The following CHPF2 variants were observed in gnomAD, a reference collection of about 807,000 sequenced individuals.
CHPF2 encodes chondroitin polymerizing factor 2, non-catalytic subunit.
In CHPF2, 58 loss-of-function variants were observed where a neutral mutation model predicts 63.0. That is an observed-to-expected ratio of 0.92 (90% CI 0.75 to 1.15). The LOEUF is 1.15. CHPF2 is among the 50% of genes most tolerant of loss of function. The probability of loss-of-function intolerance (pLI) is 0.00; values close to 1 mark genes in which losing one functional copy is unlikely to be tolerated. For missense variants in CHPF2, 1,045 were observed against 1,035.4 expected (o/e 1.01, Z -0.13); for synonymous variants, 442 against 438.0 (o/e 1.01, Z -0.11).
At position 151,238,328 on chromosome 7, in the gene CHPF2, C is replaced by G; in HGVS notation, c.1966C>G (p.Arg656Gly). The G allele has an allele frequency of 1.2e-6, 2 of 1,609,862 alleles. No homozygotes were observed. The highest frequency in any genetic ancestry group is 2.2e-5 in the South Asian group (2 of 90,854). The change falls in exon 4 of 4, where the codon CGG becomes GGG. Residue 656 changes from arginine to glycine, a missense_variant. Physicochemically the swap from Arg to Gly is moderately radical, Grantham distance 125. Transcript: ENST00000035307. ...PPSPPGADPS[R>G]GAPIGGRFDR... ...CTCCCCTCCTGGTGCTGACCCCTCCCGGGGGGCTCCTATAGGGGGGAGATT... is the reference window on the plus strand; with the variant it reads ...CTCCCCTCCTGGTGCTGACCCCTCCGGGGGGGCTCCTATAGGGGGGAGATT...
In CHPF2 at chr7:151,233,615, C is replaced by G. The variant is rs187798019; in HGVS notation, c.-397C>G. The G allele has an allele frequency of 5.5e-4, 547 of 995,774 alleles. 1 individual carries two copies. The African/African-American group carries it at 8.3e-3, about 15-fold the overall frequency. The allele number at this position is 995,774 out of a possible 1,614,324, so 61.7% of individuals were successfully genotyped here. The stretch of plus-strand genomic sequence containing the variant: ...CTTTTCCCTTACCTCTTATCACTTG[C>G]TGTCATCTGTTGACTTAGGCCCAGT... On this transcript the variant is annotated 5_prime_UTR_variant, in exon 1 of 4. Coordinates refer to ENST00000035307, the MANE Select transcript of CHPF2 (RefSeq NM_019015.3).
At chr7:151,234,968 T>TAG (rs1240778952) in intron 1 of CHPF2, 80 bp from the exon 2 acceptor site, 2 of 1,158,734 alleles carry the variant, frequency 1.7e-6, no homozygotes, top group Non-Finnish European at 2.5e-6. Flanking sequence ...AACTCACTCC[T>TAG]AGAGGGGGAT....
rs139900977 is a variant in CHPF2 at position 151,232,852 on chromosome 7, C to G, written c.-1160C>G. 3.6e-3 allele frequency: 5,117 copies of G among 1,439,424 alleles called. 129 individuals are homozygous for G. In the African/African-American group the frequency reaches 0.059, roughly 17 times the overall value. 89.2% of individuals were successfully genotyped at this position (1,439,424 alleles called of 1,614,324 possible). On this transcript the variant is annotated 5_prime_UTR_variant, in exon 1 of 4. Transcript: ENST00000035307. ...GTCTCCCAGCCGCGACCTCCGACCC[C>G]GCCTCGCAGAACGACCCGAGCTGGT... is the stretch of plus-strand genomic sequence containing the variant.
In CHPF2 at chr7:151,233,186, TC is replaced by T. The variant is rs1802523001; in HGVS notation, c.-824del. 9.7e-7 allele frequency: 1 copy of T among 1,035,494 alleles called. No individual in the cohort carries two copies. The highest frequency in any genetic ancestry group is 1.2e-6 in the Non-Finnish European group (1 of 862,774). 64.1% of individuals were successfully genotyped at this position (1,035,494 alleles called of 1,614,324 possible). A position where few individuals can be genotyped will look rare whatever the true frequency, so the allele number is the denominator to read the frequency against. On this transcript the variant is annotated 5_prime_UTR_variant, in exon 1 of 4. Transcript: ENST00000035307. ...GCACCGAATCGCTCGCACACAGAGTTCCAGTCCCCGCCTGCTGTCTCCTCAG... is the reference window on the plus strand; with the variant it reads ...GCACCGAATCGCTCGCACACAGAGTTCAGTCCCCGCCTGCTGTCTCCTCAG...
At chr7:151,236,259 G>A (rs1458402395) in intron 2 of CHPF2, 149 bp from the exon 3 acceptor site, 5 of 601,088 alleles carry the variant, frequency 8.3e-6, no homozygotes, top group Non-Finnish European at 1.3e-5. Flanking sequence ...GAAAGAACTG[G>A]GGTTAAGCGA....
rs145208514 is a variant in CHPF2, at chr7:151,235,053, G to T, written c.269G>T (p.Arg90Leu). Residue 90 changes from arginine (R) to leucine (L), a missense_variant, in exon 2 of 4, where the codon CGG (arginine) becomes CTG (leucine). Transcript: ENST00000035307. ...NKPYKKVLRT[R>L]YIQTELGSRE... ...GCACACTGGTCTTTCCACAGGACTC[G>T]GTACATCCAGACAGAGCTGGGCTCC... 2.7e-5 allele frequency: 41 copies of T among 1,544,644 alleles called. No individual in the cohort carries two copies. Among genetic ancestry groups the T allele is most frequent in the Middle Eastern group, 3.5e-4 (2 of 5,740 alleles).
chr7:151,233,045 C>G lies in CHPF2; in HGVS notation c.-967C>G, dbSNP rs529249033. ...CCCCCGGCAGGGGTCCTGTCGGAAG[C>G]TGGCCGCGCTTCTGTTTGCGTTCCC... On this transcript the variant is annotated 5_prime_UTR_variant, in exon 1 of 4. Transcript: ENST00000035307. The G allele has an allele frequency of 3.2e-6, 4 of 1,257,546 alleles. No homozygotes were observed. The African/African-American group carries it at 6.2e-5, about 19-fold the overall frequency. The allele number at this position is 1,257,546 out of a possible 1,614,324, so 77.9% of individuals were successfully genotyped here.
At chr7:151,236,809 A>G in intron 3 of CHPF2, 1 of 595,984 alleles carries the variant, frequency 1.7e-6, no homozygotes, top group South Asian at 1.8e-5. Flanking sequence ...AGCTCCCAGC[A>G]CAACTTGAAT....
Position 151,234,025 on chromosome 7 carries a change from C to G in CHPF2, c.14C>G (p.Ser5Cys). ...GGGCCTACCACCATGCGACTGAGCT[C>G]CCTGTTGGCTCTGCTGCGGCCAGCG... MRLS[S>C]LLALLRPALP... The change falls in exon 1 of 4, where the codon TCC becomes TGC. Residue 5 changes from serine to cysteine, a missense_variant. Transcript: ENST00000035307. 1 of 1,530,552 alleles carries G rather than the reference C, an allele frequency of 6.5e-7. No individual in the cohort carries two copies. The highest frequency in any genetic ancestry group is 8.8e-7 in the Non-Finnish European group (1 of 1,139,592). The allele number at this position is 1,530,552 out of a possible 1,614,324, so 94.8% of individuals were successfully genotyped here.
At chr7:151,236,896 C>T in intron 3 of CHPF2, 3 of 554,592 alleles carry the variant, frequency 5.4e-6, no homozygotes, top group Middle Eastern at 2.8e-4. Flanking sequence ...AGTTTTAGCT[C>T]CTCCTCAATA....
Position 151,234,263 on chromosome 7 carries a change from G to A in CHPF2, c.252G>A (p.Lys84=), listed in dbSNP as rs1802562348. The A allele has an allele frequency of 6.3e-7, 1 of 1,593,538 alleles. No homozygotes were observed. Among genetic ancestry groups the A allele is most frequent in the South Asian group, 1.1e-5 (1 of 88,134 alleles). The change falls in exon 1 of 4, where the codon AAG becomes AAA. Residue 84 remains lysine, a synonymous_variant. Coordinates refer to ENST00000035307, the MANE Select transcript of CHPF2 (RefSeq NM_019015.3). The stretch of plus-strand genomic sequence containing the variant: ...ACAGGGACCCCAACAAGCCCTACAA[G>A]AAGGTGCTCAGGTGAGAGCAACATG... ...PYYRDPNKPY[K]KVLRTRYIQT... is the part of the protein sequence containing the mutation.
At position 151,238,656 on chromosome 7, in the gene CHPF2, AGCAGGAGCAGGCCAATAGCACTTAGCCC is replaced by A; in HGVS notation, c.2297_*5del. 6.2e-7 allele frequency: 1 copy of A among 1,610,250 alleles called. No homozygotes were observed. The highest frequency in any genetic ancestry group is 1.1e-5 in the South Asian group (1 of 90,712). On this transcript the variant is annotated stop_lost and 3_prime_UTR_variant, in exon 4 of 4. Coordinates refer to ENST00000035307, the MANE Select transcript of CHPF2 (RefSeq NM_019015.3). ...GCCCAGCTGGCTATGGCTCTCTTTG[AGCAGGAGCAGGCCAATAGCACTTAGCCC>A]GCCTGGGGGCCCTAACCTCATTACC...
Position 151,232,848 on chromosome 7 carries a change from A to G in CHPF2, c.-1164A>G. The G allele has an allele frequency of 2.1e-6, 3 of 1,436,832 alleles. No individual in the cohort carries two copies. The South Asian group carries it at 4.1e-5, about 20-fold the overall frequency. The allele number at this position is 1,436,832 out of a possible 1,614,324, so 89.0% of individuals were successfully genotyped here. A position where few individuals can be genotyped will look rare whatever the true frequency, so the allele number is the denominator to read the frequency against. On this transcript the variant is annotated 5_prime_UTR_variant, in exon 1 of 4. Coordinates refer to ENST00000035307, the MANE Select transcript of CHPF2 (RefSeq NM_019015.3). ...CCCAGTCTCCCAGCCGCGACCTCCG[A>G]CCCCGCCTCGCAGAACGACCCGAGC... is the stretch of plus-strand genomic sequence containing the variant.
Position 151,235,443 on chromosome 7 carries a change from C to T in CHPF2, c.659C>T (p.Ala220Val), listed in dbSNP as rs1802610122. The T allele has an allele frequency of 1.2e-6, 2 of 1,612,042 alleles. No individual in the cohort carries two copies. The highest frequency in any genetic ancestry group is 1.1e-5 in the South Asian group (1 of 91,086). ...GAGTTCATTGGCGCAGGCGAGCAGGCCCGGTACTGTCATGGGGGCTTTGGC... is the reference window on the plus strand; with the variant it reads ...GAGTTCATTGGCGCAGGCGAGCAGGTCCGGTACTGTCATGGGGGCTTTGGC... Reference protein sequence around the residue: ...AEEFIGAGEQARYCHGGFGYL... With the variant: ...AEEFIGAGEQVRYCHGGFGYL... The change falls in exon 2 of 4, where the codon GCC (alanine) becomes GTC (valine). Residue 220 changes from alanine to valine, a missense_variant. Ala to Val is a moderately conservative substitution (Grantham distance 64). Coordinates refer to ENST00000035307, the MANE Select transcript of CHPF2 (RefSeq NM_019015.3).
intron 1 of CHPF2, 121 bp from the exon 2 acceptor site, chr7:151,234,927 C>T (rs1056085479): frequency 1.4e-6 from 1 of 699,380 alleles, no homozygotes; most frequent in South Asian, 2.1e-5. Context: ...TTAATATTGA[C>T]AAGGAAGGAA....
chr7:151,236,824 C>A, intron 3 of CHPF2: 1 of 606,488 alleles, frequency 1.6e-6, no homozygotes. Context: ...TTGAATGCAG[C>A]TAAAGGGGTT....
rs766852620 is a variant in CHPF2 at position 151,237,611 on chromosome 7, C to T, written c.1249C>T (p.Arg417Cys). 30 of 1,612,956 alleles carry T rather than the reference C, an allele frequency of 1.9e-5. No homozygotes were observed. In the African/African-American group the frequency reaches 2.1e-4, roughly 11 times the overall value. The change falls in exon 4 of 4, where the codon CGC becomes TGC. Residue 417 changes from arginine to cysteine, a missense_variant. Coordinates refer to ENST00000035307, the MANE Select transcript of CHPF2 (RefSeq NM_019015.3). ...GACTGCCCTGGAGCAGCTCAATCGG[C>T]GCTATCAGCCCCGCCTGCGCTTCCA... The part of the protein sequence containing the change: ...LETALEQLNR[R>C]YQPRLRFQKQ...
Position 151,232,745 on chromosome 7 carries a change from G to A in CHPF2, c.-1267G>A. On this transcript the variant is annotated 5_prime_UTR_variant, in exon 1 of 4. Coordinates refer to ENST00000035307, the MANE Select transcript of CHPF2 (RefSeq NM_019015.3). ...CCGAGGGCCTTGGGCGTCCCTCCTGGTCCTGCGCTCGCGGCCTCGATGCTG... is the reference window on the plus strand; with the variant it reads ...CCGAGGGCCTTGGGCGTCCCTCCTGATCCTGCGCTCGCGGCCTCGATGCTG... 6.6e-7 allele frequency: 1 copy of A among 1,509,494 alleles called. No homozygotes were observed. The highest frequency in any genetic ancestry group is 2.8e-5 in the East Asian group (1 of 36,258). 93.5% of individuals were successfully genotyped at this position (1,509,494 alleles called of 1,614,324 possible).
chr7:151,238,401 T>C lies in CHPF2; in HGVS notation c.2039T>C (p.Leu680Pro). 6.2e-7 allele frequency: 1 copy of C among 1,602,672 alleles called. No individual in the cohort carries two copies. The highest frequency in any genetic ancestry group is 8.5e-7 in the Non-Finnish European group (1 of 1,173,716). The stretch of plus-strand genomic sequence containing the variant: ...GGCTGCTTCTACAACGCTGACTACC[T>C]GGCGGCCCGAGCCCGGCTGGCAGGT... ...AEGCFYNADY[L>P]AARARLAGEL... Residue 680 changes from leucine (L) to proline (P), a missense_variant, in exon 4 of 4, where the codon CTG becomes CCG. Transcript: ENST00000035307.
Sources: gnomAD v4.1 joint callset for allele counts on GRCh38, gnomAD v4.1.1 for gene constraint, MANE v1.5 for transcripts, NCBI Gene and HGNC (gene_info 2026-07-23, HGNC 2026-07-21) for gene names.